ALLC: variants seen among roughly 807,000 people sequenced by gnomAD.
ALLC encodes probable inactive allantoicase.
Under a neutral mutation model 45.0 loss-of-function variants are expected in ALLC, and 40 were observed. That is an observed-to-expected ratio of 0.89 (90% CI 0.69 to 1.16). The LOEUF (loss-of-function observed/expected upper bound fraction) is 1.16, where lower values mean the gene tolerates loss of function less well. Among genes scored for constraint, ALLC ranks in the 50% most tolerant of loss-of-function variants. The pLI is 0.00. For synonymous variants in ALLC, 176 were observed against 178.1 expected, an observed-to-expected ratio of 0.99 and a Z score of 0.09; for missense variants, 488 against 493.1, an observed-to-expected ratio of 0.99 and a Z score of 0.10.
intron 4 of ALLC, among the ~76,000 whole-genome samples, chr2:3,679,208 T>C (rs1216167154): frequency 6.6e-6 from 1 of 152,228 alleles, no homozygotes. Context: ...TCTACAGTAC[T>C]TGAAGCAGTA....
intron 3 of ALLC, among the ~76,000 whole-genome samples, chr2:3,676,213 T>C (rs536706813): frequency 1.3e-5 from 2 of 152,346 alleles, no homozygotes; most frequent in East Asian, 3.9e-4. Flanking sequence ...TATTCGTAAA[T>C]ATATAAGATA....
intron 3 of ALLC, among the ~76,000 whole-genome samples, chr2:3,675,506 T>C (rs1666999614): frequency 6.6e-6 from 1 of 151,978 alleles, no homozygotes; most frequent in Non-Finnish European, 1.5e-5. Flanking sequence ...GATGTGATTA[T>C]CTGTGAAGAG....
At chr2:3,673,325 A>C (rs1666942870) in intron 2 of ALLC, among the ~76,000 whole-genome samples, 1 of 152,174 alleles carries the variant, frequency 6.6e-6, no homozygotes. Flanking sequence ...ATCTGGAGCA[A>C]GGGGGATCCT....
chr2:3,669,916 A>AT (rs1209225183), intron 1 of ALLC, among the ~76,000 whole-genome samples: 2 of 152,144 alleles, frequency 1.3e-5, no homozygotes, highest in African/African-American at 4.8e-5. Context: ...TCAGATGGAA[A>AT]TTCATGTCGG....
At chr2:3,651,441 GTTAGGA>G in the ALLC span, among the ~76,000 whole-genome samples, 13 of 58,860 alleles carry the variant, frequency 2.2e-4, 4 homozygotes, top group Admixed American at 4.7e-4. Context: ...GTGTGTGTGT[GTTAGGA>G]AGGGAGACGA....
At chr2:3,667,740 A>T (rs1277718680) in intron 1 of ALLC, among the ~76,000 whole-genome samples, 1 of 152,246 alleles carries the variant, frequency 6.6e-6, no homozygotes, top group Non-Finnish European at 1.5e-5. Context: ...TGGAGTGCGC[A>T]TCTAATCCGG....
the ALLC span, among the ~76,000 whole-genome samples, chr2:3,651,423 GT>G: frequency 1.4e-4 from 8 of 57,872 alleles, no homozygotes; most frequent in Admixed American, 2.4e-4. Flanking sequence ...GTGTGTGTGT[GT>G]GTGTGTGTGT....
the ALLC span, among the ~76,000 whole-genome samples, chr2:3,650,308 G>A: frequency 6.6e-6 from 1 of 152,204 alleles, no homozygotes; most frequent in African/African-American, 2.4e-5. Flanking sequence ...CCTGGGGGCC[G>A]GAGTGGCATC....
upstream of ALLC, among the ~76,000 whole-genome samples, chr2:3,654,954 A>G (rs193147293): frequency 1.1e-3 from 164 of 152,362 alleles, 2 homozygotes; most frequent in African/African-American, 3.6e-3. Context: ...TTAAAGCAGC[A>G]TCCGTGACCT....
chr2:3,671,253 C>T, intron 2 of ALLC, 63 bp downstream of exon 2: 1 of 1,554,944 alleles, frequency 6.4e-7, no homozygotes, highest in Non-Finnish European at 8.8e-7. Context: ...CACAACTCAC[C>T]AGTGCAGAGA....
intron 1 of ALLC, among the ~76,000 whole-genome samples, chr2:3,665,128 C>G (rs952650588): frequency 6.6e-6 from 1 of 152,108 alleles, no homozygotes; most frequent in Non-Finnish European, 1.5e-5. Context: ...TGGTGCCTGT[C>G]GCAGCGAGAC....
chr2:3,674,051 T>G (rs1475387789), intron 2 of ALLC, 24 bp from the exon 3 acceptor site: 8 of 834,828 alleles, frequency 9.6e-6, no homozygotes, highest in Non-Finnish European at 1.3e-5. Context: ...TGCTTTATCT[T>G]TCTTTCTTTC....
chr2:3,697,626 T>A (rs569435104), intron 10 of ALLC, among the ~76,000 whole-genome samples, 170 bp downstream of exon 10: 10 of 89,604 alleles, frequency 1.1e-4, no homozygotes, highest in Admixed American at 1.1e-3. Flanking sequence ...TGTCTGTCTA[T>A]CTATCTATCT....
intron 1 of ALLC, among the ~76,000 whole-genome samples, chr2:3,664,909 C>T (rs1040986401): frequency 6.6e-6 from 1 of 151,462 alleles, no homozygotes; most frequent in South Asian, 2.1e-4. Flanking sequence ...AACCAAAACC[C>T]CCCCCCAAAC....
At chr2:3,681,844 T>C in intron 6 of ALLC, 131 bp downstream of exon 6, 1 of 665,078 alleles carries the variant, frequency 1.5e-6, no homozygotes, top group East Asian at 2.9e-5. Flanking sequence ...ATCATTTGCT[T>C]ACCCACTGTG....
chr2:3,655,558 C>T (rs143306921), upstream of ALLC, among the ~76,000 whole-genome samples: 1,520 of 152,250 alleles, frequency 1.0e-2, 28 homozygotes, highest in African/African-American at 0.034. Flanking sequence ...TGGGCTCAAG[C>T]GATCCTCCCA....
At chr2:3,675,993 G>A (rs182494428) in intron 3 of ALLC, among the ~76,000 whole-genome samples, 1 of 152,338 alleles carries the variant, frequency 6.6e-6, no homozygotes, top group East Asian at 1.9e-4. Context: ...GAAGAGAGGG[G>A]AAGCAGGCCA....
intron 7 of ALLC, among the ~76,000 whole-genome samples, chr2:3,684,211 C>T (rs890270042): frequency 4.6e-5 from 7 of 152,026 alleles, no homozygotes; most frequent in South Asian, 2.1e-4. Flanking sequence ...TTAACAGCCA[C>T]GTAAAGGAGT....
At chr2:3,667,753 A>G (rs913212069) in intron 1 of ALLC, among the ~76,000 whole-genome samples, 14 of 152,234 alleles carry the variant, frequency 9.2e-5, no homozygotes, top group African/African-American at 3.1e-4. Flanking sequence ...TAATCCGGAA[A>G]GGCAGATAAT....
Sources: allele counts gnomAD v4.1 joint callset (sites outside exome capture counted in the v4.1 genomes callset), GRCh38; gene constraint gnomAD v4.1.1; transcripts MANE v1.5; gene names NCBI Gene and HGNC (gene_info 2026-07-23, HGNC 2026-07-21).